CWC27: variants seen among roughly 807,000 people sequenced by gnomAD.
The protein encoded by CWC27 is CWC27 spliceosome associated cyclophilin.
A neutral mutation model predicts 63.6 loss-of-function variants in CWC27; 47 were observed. That is an observed-to-expected ratio of 0.74 (90% CI 0.58 to 0.94). The LOEUF (loss-of-function observed/expected upper bound fraction) is 0.94. Ranked by LOEUF, CWC27 falls within the 40% of genes least tolerant of loss-of-function variation. The pLI is 0.00. For synonymous variants in CWC27, 175 were observed against 179.8 expected, an observed-to-expected ratio of 0.97 and a Z score of 0.22; for missense variants, 495 against 554.3, an observed-to-expected ratio of 0.89 and a Z score of 1.07.
At chr5:64,878,978 TAA>T (rs1746870150) in intron 10 of CWC27, among the ~76,000 whole-genome samples, 1 of 151,822 alleles carries the variant, frequency 6.6e-6, no homozygotes, top group Admixed American at 6.6e-5. Context: ...GTATGTGTTA[TAA>T]AATGAATGGA....
At chr5:64,941,411 T>C (rs1311818404) in intron 11 of CWC27, among the ~76,000 whole-genome samples, 2 of 152,204 alleles carry the variant, frequency 1.3e-5, no homozygotes, top group African/African-American at 4.8e-5. Context: ...ATAGTGAGAA[T>C]ACTTGCTTCT....
chr5:64,968,642 A>G (rs896980836), intron 11 of CWC27, among the ~76,000 whole-genome samples: 6 of 152,190 alleles, frequency 3.9e-5, no homozygotes, highest in Non-Finnish European at 1.5e-5. Context: ...AGTAATGGCA[A>G]AAATGTGGTG....
At chr5:64,796,640 C>A (rs962358151) in intron 7 of CWC27, among the ~76,000 whole-genome samples, 1 of 152,098 alleles carries the variant, frequency 6.6e-6, no homozygotes, top group Admixed American at 6.6e-5. Flanking sequence ...CATTTGGGTA[C>A]CATTGCCTAG....
chr5:64,774,766 T>C lies in CWC27; in HGVS notation c.118T>C (p.Phe40Leu), dbSNP rs1743382166. 6.3e-7 allele frequency: 1 copy of C among 1,591,786 alleles called. No homozygotes were observed. Among genetic ancestry groups the C allele is most frequent in the Non-Finnish European group, 8.5e-7 (1 of 1,170,118 alleles). The change falls in exon 2 of 14, where the codon TTT (phenylalanine) becomes CTT (leucine). Residue 40 changes from phenylalanine to leucine, a missense_variant. Around this residue, in one of 3 missense-constraint regions of CWC27, gnomAD observed 463 missense variants for 498.1 expected, o/e 0.93. Transcript: ENST00000381070. Reference protein sequence around the residue: ...SKEAPKACRNFIQLCLEAYYD... With the variant: ...SKEAPKACRNLIQLCLEAYYD... ...AGAAGCTCCTAAAGCTTGCAGAAAT[T>C]TTATCCAACTTTGTTTGGAAGGTAT...
intron 6 of CWC27, among the ~76,000 whole-genome samples, chr5:64,787,542 T>C (rs965243054): frequency 1.3e-5 from 2 of 151,784 alleles, no homozygotes; most frequent in African/African-American, 4.8e-5. Context: ...ACTCCTTTTA[T>C]GTTGCTATTA....
intron 11 of CWC27, 140 bp downstream of exon 11, chr5:64,885,686 C>A: frequency 2.3e-6 from 1 of 444,322 alleles, no homozygotes; most frequent in Non-Finnish European, 4.1e-6. Context: ...CTTTCCCTCC[C>A]TCTTGAGTTA....
intron 10 of CWC27, among the ~76,000 whole-genome samples, chr5:64,856,072 AT>A (rs1457394970): frequency 6.6e-6 from 1 of 152,026 alleles, no homozygotes; most frequent in African/African-American, 2.4e-5. Flanking sequence ...TTGGATGCAG[AT>A]TTTGTGGAGT....
chr5:64,797,145 A>C (rs1470856461), intron 7 of CWC27, among the ~76,000 whole-genome samples: 1 of 152,004 alleles, frequency 6.6e-6, no homozygotes, highest in Non-Finnish European at 1.5e-5. Flanking sequence ...TGAATTCACT[A>C]AATATATTTA....
rs1561414653 is a variant in CWC27 at position 64,804,291 on chromosome 5, GA to G, written c.844del (p.Arg282GlufsTer8). On this transcript the variant is annotated frameshift_variant, in exon 10 of 14. Transcript: ENST00000381070. LOFTEE classifies it high-confidence loss of function. ...TTGATGGTGATGAAAAGAACCTGAT[GA>G]GAGAAAGAATTGCCAAAAAATTAAA... ...YIDGDEKNLM[R>X]ERIAKKLKKD... The G allele has an allele frequency of 3.1e-6, 5 of 1,613,148 alleles. No individual in the cohort carries two copies. The highest frequency in any genetic ancestry group is 4.2e-6 in the Non-Finnish European group (5 of 1,179,546).
intron 10 of CWC27, among the ~76,000 whole-genome samples, chr5:64,809,174 A>G (rs1354464948): frequency 6.6e-6 from 1 of 152,146 alleles, no homozygotes; most frequent in Admixed American, 6.6e-5. Context: ...ACAAATAGTA[A>G]TTGTATATAT....
At chr5:64,916,834 A>G (rs1747896122) in intron 11 of CWC27, among the ~76,000 whole-genome samples, 1 of 152,084 alleles carries the variant, frequency 6.6e-6, no homozygotes, top group Non-Finnish European at 1.5e-5. Flanking sequence ...TACAGTATGT[A>G]AAGTATGTAA....
intron 1 of CWC27, among the ~76,000 whole-genome samples, chr5:64,772,347 T>C (rs772923917): frequency 6.6e-6 from 1 of 152,078 alleles, no homozygotes; most frequent in African/African-American, 2.4e-5. Context: ...AGATGATGAC[T>C]GGGTGCAGTG....
At chr5:64,792,806 T>G (rs1744128342) in intron 7 of CWC27, among the ~76,000 whole-genome samples, 1 of 152,162 alleles carries the variant, frequency 6.6e-6, no homozygotes, top group South Asian at 2.1e-4. Flanking sequence ...AAATTCATAT[T>G]AAAACTTTAA....
chr5:64,884,789 C>G (rs1747026416), intron 10 of CWC27, among the ~76,000 whole-genome samples: 2 of 152,186 alleles, frequency 1.3e-5, no homozygotes, highest in Non-Finnish European at 2.9e-5. Flanking sequence ...AAGCAAGTCA[C>G]TTAGCTAGTG....
intron 11 of CWC27, among the ~76,000 whole-genome samples, chr5:64,951,073 A>T (rs568655001): frequency 6.6e-6 from 1 of 152,034 alleles, no homozygotes; most frequent in South Asian, 2.1e-4. Flanking sequence ...TAAAGCTGTT[A>T]TAGCACTAAT....
intron 13 of CWC27, among the ~76,000 whole-genome samples, chr5:64,978,090 T>G (rs1048851046): frequency 2.6e-5 from 4 of 152,224 alleles, no homozygotes; most frequent in African/African-American, 9.6e-5. Context: ...TTCAAAACTC[T>G]GTTCAACACT....
intron 11 of CWC27, among the ~76,000 whole-genome samples, chr5:64,919,782 G>A (rs1356140012): frequency 6.6e-6 from 1 of 152,130 alleles, no homozygotes; most frequent in Non-Finnish European, 1.5e-5. Context: ...TTGATTCCAT[G>A]TCCTTGTCTG....
At chr5:64,909,763 C>T (rs1367025731) in intron 11 of CWC27, among the ~76,000 whole-genome samples, 5 of 151,918 alleles carry the variant, frequency 3.3e-5, no homozygotes, top group Admixed American at 2.0e-4. Flanking sequence ...ACGTAGTTCT[C>T]GTGCCAGCTC....
intron 11 of CWC27, among the ~76,000 whole-genome samples, chr5:64,917,084 T>C (rs1246036570): frequency 1.3e-5 from 2 of 152,182 alleles, no homozygotes; most frequent in African/African-American, 4.8e-5. Context: ...AGTCCCCATG[T>C]ACCTATAAGG....
Sources: gnomAD v4.1 joint callset for allele counts (sites outside exome capture counted in the v4.1 genomes callset) on GRCh38, gnomAD v4.1.1 for gene constraint, gnomAD v4.1.1 regional missense constraint, MANE v1.5 for transcripts, NCBI Gene and HGNC (gene_info 2026-07-23, HGNC 2026-07-21) for gene names.